The following VEGFC variants were observed in gnomAD, a reference collection of about 807,000 sequenced individuals.
VEGFC encodes the protein FLT4 ligand DHM.
A neutral mutation model predicts 46.1 loss-of-function variants in VEGFC; 12 were observed. The ratio of observed to expected loss-of-function variants is 0.26; its 90% CI spans 0.17 to 0.42. VEGFC has a LOEUF of 0.42. Ranked by LOEUF, VEGFC falls within the 10% of genes least tolerant of loss-of-function variation. The probability of loss-of-function intolerance (pLI) is 1.00; values close to 1 mark genes in which losing one functional copy is unlikely to be tolerated. For synonymous variants in VEGFC, 232 were observed against 195.5 expected, an observed-to-expected ratio of 1.19 and a Z score of -1.56; for missense variants, 488 against 529.4, an observed-to-expected ratio of 0.92 and a Z score of 0.77.
intron 1 of VEGFC, among the ~76,000 whole-genome samples, chr4:176,746,383 A>C (rs1356849649): frequency 6.6e-6 from 1 of 152,076 alleles, no homozygotes; most frequent in East Asian, 1.9e-4. Flanking sequence ...TCAGAGAGAA[A>C]GATGTGAAAT....
chr4:176,744,924 T>G (rs1735237036), intron 1 of VEGFC, among the ~76,000 whole-genome samples: 1 of 152,046 alleles, frequency 6.6e-6, no homozygotes, highest in African/African-American at 2.4e-5. Flanking sequence ...ATTTCTACGC[T>G]AATTCCAAAA....
chr4:176,742,274 T>C (rs1176892943), intron 1 of VEGFC, among the ~76,000 whole-genome samples: 1 of 152,092 alleles, frequency 6.6e-6, no homozygotes, highest in East Asian at 1.9e-4. Flanking sequence ...TTCATCCTTT[T>C]ACGGACGCAT....
At chr4:176,707,651 C>T (rs1274371485) in intron 4 of VEGFC, among the ~76,000 whole-genome samples, 6 of 152,056 alleles carry the variant, frequency 3.9e-5, no homozygotes, top group Non-Finnish European at 7.4e-5. Flanking sequence ...TGATTTTTGG[C>T]TCTCCAAAAC....
chr4:176,788,051 T>A (rs748860712), intron 1 of VEGFC, among the ~76,000 whole-genome samples: 42 of 152,312 alleles, frequency 2.8e-4, no homozygotes, highest in Non-Finnish European at 5.4e-4. Context: ...AGAGGAAGTA[T>A]AACGCTTCTG....
intron 1 of VEGFC, among the ~76,000 whole-genome samples, chr4:176,748,163 C>G (rs997460431): frequency 6.6e-6 from 1 of 152,036 alleles, no homozygotes; most frequent in African/African-American, 2.4e-5. Context: ...GACATACATA[C>G]AATTTATTTT....
chr4:176,775,826 T>A (rs971730363), intron 1 of VEGFC, among the ~76,000 whole-genome samples: 1 of 152,172 alleles, frequency 6.6e-6, no homozygotes, highest in South Asian at 2.1e-4. Flanking sequence ...CTCAGTTCTT[T>A]CTAGTTACCA....
chr4:176,747,606 A>C (rs1187410805), intron 1 of VEGFC, among the ~76,000 whole-genome samples: 1 of 152,044 alleles, frequency 6.6e-6, no homozygotes, highest in Non-Finnish European at 1.5e-5. Context: ...ATCCTGGGCA[A>C]TACAGCGAGA....
At chr4:176,744,750 ATTAAT>A (rs1387110600) in intron 1 of VEGFC, among the ~76,000 whole-genome samples, 1 of 152,020 alleles carries the variant, frequency 6.6e-6, no homozygotes, top group Admixed American at 6.6e-5. Context: ...TGTAGATAAT[ATTAAT>A]TTGTTTTATA....
intron 1 of VEGFC, among the ~76,000 whole-genome samples, chr4:176,751,398 C>T (rs1267710837): frequency 2.0e-5 from 3 of 151,934 alleles, no homozygotes; most frequent in Non-Finnish European, 4.4e-5. Flanking sequence ...GGCATTTCAA[C>T]CACATAATTG....
At position 176,788,340 on chromosome 4, in the gene VEGFC, A is replaced by G. The variant is rs1736036670; in HGVS notation, c.147+3825T>C. ...CCCGTTGTGGGGAATTAGGACCTAA[A>G]TAAATGCAACAAGGTGCCCCTAACT... On this transcript the variant is annotated intron_variant, in intron 1 of 6. Transcript: ENST00000618562. Among the ~76,000 whole-genome samples, 3 of 152,206 alleles carry G rather than the reference A, an allele frequency of 2.0e-5. No individual in the cohort carries two copies. In the South Asian group the frequency reaches 6.2e-4, roughly 31 times the overall value.
rs1736120770 is a variant in VEGFC at position 176,792,521 on chromosome 4, A to G, written c.-210T>C. On this transcript the variant is annotated 5_prime_UTR_variant, in exon 1 of 7. Coordinates refer to ENST00000618562, the MANE Select transcript of VEGFC (RefSeq NM_005429.5). This position sits in a 1 kb window ranked among gnomAD's most constrained non-coding sequence, Gnocchi z 6.3. ...CGCCCTCCCAGCCAGTGCCGGGGAA[A>G]GGCGGCGGGTGTCAGGTAAAAGCCT... 2.5e-6 allele frequency: 1 copy of G among 401,598 alleles called. No individual in the cohort carries two copies. Among genetic ancestry groups the G allele is most frequent in the Non-Finnish European group, 4.4e-6 (1 of 229,232 alleles). The allele number at this position is 401,598 out of a possible 1,614,324, so 24.9% of individuals were successfully genotyped here.
intron 3 of VEGFC, among the ~76,000 whole-genome samples, chr4:176,718,826 G>T (rs1271435827): frequency 6.6e-5 from 10 of 152,096 alleles, no homozygotes; most frequent in African/African-American, 2.4e-4. Context: ...ATCCAAATGT[G>T]TGCCTCAAAA....
At chr4:176,763,040 C>T (rs1735557058) in intron 1 of VEGFC, among the ~76,000 whole-genome samples, 1 of 152,252 alleles carries the variant, frequency 6.6e-6, no homozygotes, top group Non-Finnish European at 1.5e-5. Flanking sequence ...AAGAAATCTC[C>T]TCCTTGGGAT....
intron 1 of VEGFC, among the ~76,000 whole-genome samples, chr4:176,762,208 T>C (rs1269366095): frequency 2.0e-5 from 3 of 152,172 alleles, no homozygotes; most frequent in African/African-American, 7.2e-5. Flanking sequence ...GAATGTCCCC[T>C]CCAAAACTCA....
At chr4:176,727,221 G>A (rs1303673093) in intron 3 of VEGFC, among the ~76,000 whole-genome samples, 1 of 152,188 alleles carries the variant, frequency 6.6e-6, no homozygotes, top group Non-Finnish European at 1.5e-5. Context: ...ACCATTTAAT[G>A]AGATAAACTT....
intron 1 of VEGFC, among the ~76,000 whole-genome samples, chr4:176,776,878 ATATT>A (rs1191535186): frequency 6.6e-6 from 1 of 152,232 alleles, no homozygotes; most frequent in African/African-American, 2.4e-5. Context: ...CATAGTATCA[ATATT>A]TATAGTTATT....
intron 4 of VEGFC, among the ~76,000 whole-genome samples, chr4:176,702,583 C>T (rs919658355): frequency 8.5e-5 from 13 of 152,212 alleles, no homozygotes; most frequent in Admixed American, 5.9e-4. Context: ...ATTGTGTTTT[C>T]ATTTAATATC....
At chr4:176,776,524 TATG>T (rs1336286205) in intron 1 of VEGFC, among the ~76,000 whole-genome samples, 2 of 152,188 alleles carry the variant, frequency 1.3e-5, no homozygotes, top group African/African-American at 4.8e-5. Flanking sequence ...ATACAAAACA[TATG>T]ATCAAGTTCA....
At chr4:176,711,151 T>C (rs568186934) in intron 4 of VEGFC, among the ~76,000 whole-genome samples, 2 of 152,286 alleles carry the variant, frequency 1.3e-5, no homozygotes, top group Non-Finnish European at 1.5e-5. Context: ...GGCTGAAATG[T>C]TTTGAACTTT....
Sources: gnomAD v4.1 joint callset for allele counts (sites outside exome capture counted in the v4.1 genomes callset) on GRCh38, gnomAD v4.1.1 for gene constraint, Gnocchi (gnomAD v3.1) non-coding constraint, MANE v1.5 for transcripts, NCBI Gene and HGNC (gene_info 2026-07-23, HGNC 2026-07-21) for gene names.